GPC5: variants seen among roughly 807,000 people sequenced by gnomAD.
GPC5 encodes glypican-5.
Under a neutral mutation model 53.9 loss-of-function variants are expected in GPC5, and 47 were observed. The observed-to-expected ratio is 0.87, with a 90% CI of 0.69 to 1.11. The LOEUF (loss-of-function observed/expected upper bound fraction) is 1.11. Among genes scored for constraint, GPC5 ranks in the 50% most tolerant of loss-of-function variants. GPC5 has a pLI of 0.00. For missense variants in GPC5, 748 were observed against 713.1 expected (o/e 1.05, Z -0.56); for synonymous variants, 286 against 263.3 (o/e 1.09, Z -0.84).
intron 7 of GPC5, among the ~76,000 whole-genome samples, chr13:92,264,878 C>CTCTGTGTG (rs1310875481): frequency 1.9e-5 from 2 of 104,718 alleles, no homozygotes; most frequent in African/African-American, 3.5e-5. Flanking sequence ...CTCTCTCTCT[C>CTCTGTGTG]TGTGTGTGTG....
At chr13:91,593,554 T>C (rs1257837899) in intron 2 of GPC5, among the ~76,000 whole-genome samples, 1 of 152,218 alleles carries the variant, frequency 6.6e-6, no homozygotes, top group Non-Finnish European at 1.5e-5. Flanking sequence ...TTCTTCAAAT[T>C]TGTTCTGACT....
chr13:92,415,695 T>C (rs1201765078), intron 7 of GPC5, among the ~76,000 whole-genome samples: 1 of 147,514 alleles, frequency 6.8e-6, no homozygotes, highest in African/African-American at 2.5e-5. Context: ...AAAAAAGAAG[T>C]AATAGCAGCG....
intron 6 of GPC5, among the ~76,000 whole-genome samples, chr13:92,091,625 T>C (rs2041381301): frequency 6.6e-6 from 1 of 152,048 alleles, no homozygotes; most frequent in African/African-American, 2.4e-5. Flanking sequence ...CTATAGACAA[T>C]ATGATAAATG....
intron 7 of GPC5, among the ~76,000 whole-genome samples, chr13:92,495,339 AC>A (rs1269628730): frequency 6.6e-6 from 1 of 152,138 alleles, no homozygotes; most frequent in Non-Finnish European, 1.5e-5. Flanking sequence ...TTCTGCTGGT[AC>A]TTTTCAATTA....
chr13:92,290,659 A>C (rs2042987349), intron 7 of GPC5, among the ~76,000 whole-genome samples: 1 of 152,172 alleles, frequency 6.6e-6, no homozygotes, highest in African/African-American at 2.4e-5. Context: ...GCATGCCATT[A>C]ACTCATTCCT....
At chr13:92,413,765 T>C (rs368470579) in intron 7 of GPC5, among the ~76,000 whole-genome samples, 1 of 152,086 alleles carries the variant, frequency 6.6e-6, no homozygotes, top group South Asian at 2.1e-4. Flanking sequence ...AAGGTACACA[T>C]ACCAAGGACC....
chr13:92,404,310 T>G (rs1041794296), intron 7 of GPC5, among the ~76,000 whole-genome samples: 5 of 152,220 alleles, frequency 3.3e-5, no homozygotes, highest in Non-Finnish European at 1.5e-5. Context: ...TGGACATTGT[T>G]AGTCATGTTG....
At chr13:92,025,196 G>C (rs2040790999) in intron 6 of GPC5, among the ~76,000 whole-genome samples, 1 of 151,834 alleles carries the variant, frequency 6.6e-6, no homozygotes, top group African/African-American at 2.4e-5. Context: ...TGTTATATTT[G>C]ATTTTAAGTA....
chr13:92,816,793 T>C (rs1207062209), intron 7 of GPC5, among the ~76,000 whole-genome samples: 1 of 151,956 alleles, frequency 6.6e-6, no homozygotes, highest in Non-Finnish European at 1.5e-5. Context: ...GGTTTCCTCT[T>C]CTCTAATTAC....
chr13:91,838,431 TGTTTTGTTTC>T (rs1161461072), intron 5 of GPC5, among the ~76,000 whole-genome samples: 1 of 152,110 alleles, frequency 6.6e-6, no homozygotes, highest in African/African-American at 2.4e-5. Context: ...GGAAGTAATG[TGTTTTGTTTC>T]GTTTTGTTTC....
intron 7 of GPC5, among the ~76,000 whole-genome samples, chr13:92,859,838 C>T (rs1334471343): frequency 6.6e-6 from 1 of 151,946 alleles, no homozygotes; most frequent in Non-Finnish European, 1.5e-5. Flanking sequence ...TGTTCTTTTG[C>T]TAAATTCTTC....
At chr13:92,286,223 A>G (rs2042953494) in intron 7 of GPC5, among the ~76,000 whole-genome samples, 1 of 152,174 alleles carries the variant, frequency 6.6e-6, no homozygotes, top group African/African-American at 2.4e-5. Context: ...GATCATTAAA[A>G]AGTCAGGAAA....
At chr13:91,742,071 G>A (rs1421513159) in intron 4 of GPC5, among the ~76,000 whole-genome samples, 1 of 152,160 alleles carries the variant, frequency 6.6e-6, no homozygotes, top group East Asian at 1.9e-4. Flanking sequence ...AGCAGGGCAG[G>A]CCAAGACAAA....
intron 7 of GPC5, among the ~76,000 whole-genome samples, chr13:92,663,246 G>A (rs1450746560): frequency 2.0e-5 from 3 of 151,976 alleles, no homozygotes; most frequent in Non-Finnish European, 4.4e-5. Context: ...ATAACAAATA[G>A]TGTGGGAAAA....
chr13:92,419,891 C>A (rs542173541), intron 7 of GPC5, among the ~76,000 whole-genome samples: 14 of 152,234 alleles, frequency 9.2e-5, no homozygotes, highest in African/African-American at 1.7e-4. Context: ...AAAAGCATTT[C>A]GCACCTGAGG....
intron 7 of GPC5, among the ~76,000 whole-genome samples, chr13:92,381,332 A>G (rs1233519847): frequency 2.0e-5 from 3 of 152,166 alleles, no homozygotes; most frequent in African/African-American, 7.2e-5. Context: ...CATTGGTTGT[A>G]TCTTTCCTAC....
chr13:91,673,231 A>AAAC (rs201449183), intron 2 of GPC5, among the ~76,000 whole-genome samples: 7 of 152,102 alleles, frequency 4.6e-5, no homozygotes, highest in Non-Finnish European at 7.4e-5. Context: ...GGAAAAAAAG[A>AAAC]AACAACAACA....
At chr13:92,669,169 AG>A (rs1431110478) in intron 7 of GPC5, among the ~76,000 whole-genome samples, 3 of 152,124 alleles carry the variant, frequency 2.0e-5, no homozygotes, top group Non-Finnish European at 4.4e-5. Flanking sequence ...GTATATATGC[AG>A]GGGTTTCATT....
intron 7 of GPC5, among the ~76,000 whole-genome samples, chr13:92,407,580 C>T (rs76292514): frequency 0.015 from 2,247 of 152,194 alleles, 53 homozygotes; most frequent in African/African-American, 0.051. Flanking sequence ...GTCACAATAA[C>T]GCTTTTTCTC....
Sources: allele counts gnomAD v4.1 joint callset (sites outside exome capture counted in the v4.1 genomes callset), GRCh38; gene constraint gnomAD v4.1.1; transcripts MANE v1.5; gene names NCBI Gene and HGNC (gene_info 2026-07-23, HGNC 2026-07-21).